Variants in CECR2 observed in about 807,000 individuals in gnomAD.
The protein encoded by CECR2 is chromatin remodeling regulator CECR2.
CECR2 carries 30 observed loss-of-function variants against 154.5 expected under a neutral mutation model. The observed-to-expected ratio is 0.19, with a 90% CI of 0.15 to 0.26. The LOEUF (loss-of-function observed/expected upper bound fraction) is 0.26, where lower values mean the gene tolerates loss of function less well. CECR2 is among the 10% of genes least tolerant of loss of function. The pLI is 1.00. For missense variants in CECR2, 1,743 were observed against 1,829.3 expected (o/e 0.95, Z 0.86); for synonymous variants, 725 against 683.7 (o/e 1.06, Z -0.94).
At chr22:17,500,552 G>T in intron 4 of CECR2, 79 bp from the exon 5 acceptor site, 1 of 1,063,564 alleles carries the variant, frequency 9.4e-7, no homozygotes. Context: ...TAATCTCATG[G>T]CCAGAAATAC....
chr22:17,476,972 A>T, intron 1 of CECR2: 2 of 558,152 alleles, frequency 3.6e-6, no homozygotes, highest in South Asian at 2.5e-5. Context: ...AAGCAAAGAC[A>T]TTCACAGAGA....
At chr22:17,449,647 G>A (rs182775980) in intron 1 of CECR2, among the ~76,000 whole-genome samples, 1,912 of 151,722 alleles carry the variant, frequency 0.013, 29 homozygotes, top group African/African-American at 0.044. Flanking sequence ...CCGCCACCAC[G>A]CCCGGCTAAT....
chr22:17,439,397 AC>A (rs1317481331), intron 1 of CECR2, among the ~76,000 whole-genome samples: 1 of 152,170 alleles, frequency 6.6e-6, no homozygotes, highest in East Asian at 1.9e-4. Flanking sequence ...GCATAAAAAA[AC>A]ATGGACAAGC....
At position 17,415,726 on chromosome 22, in the gene CECR2, G is replaced by A. The variant is rs116444080; in HGVS notation, c.126+45817G>A. Reference sequence around the variant, plus strand: ...TTAGGCTATCTTCGTGAAATGGAAGGTTTGTGTTTTTAAGTGGGTCAGAAA... The same window carrying A: ...TTAGGCTATCTTCGTGAAATGGAAGATTTGTGTTTTTAAGTGGGTCAGAAA... On this transcript the variant is annotated intron_variant, in intron 1 of 18. Coordinates refer to ENST00000262608, the MANE Select transcript of CECR2 (RefSeq NM_001290047.2). Among the ~76,000 whole-genome samples the A allele has an allele frequency of 1.8e-3, 276 of 152,290 alleles. 2 individuals carry two copies. Among genetic ancestry groups the A allele is most frequent in the African/African-American group, 6.5e-3 (269 of 41,572 alleles).
chr22:17,477,089 C>T, intron 1 of CECR2: 1 of 718,912 alleles, frequency 1.4e-6, no homozygotes, highest in Admixed American at 2.0e-5. Context: ...GTCATTATCA[C>T]TTACTAACAA....
At chr22:17,482,537 T>C (rs2055344607) in intron 2 of CECR2, among the ~76,000 whole-genome samples, 1 of 152,112 alleles carries the variant, frequency 6.6e-6, no homozygotes, top group Non-Finnish European at 1.5e-5. Context: ...CCTTCTAGTT[T>C]TGTTTAGTTT....
chr22:17,427,789 G>A (rs2054354650), intron 1 of CECR2, among the ~76,000 whole-genome samples: 1 of 152,028 alleles, frequency 6.6e-6, no homozygotes. Context: ...GCTGATTGGT[G>A]CATTTACAAT....
rs775023684 is a variant in CECR2 at position 17,511,913 on chromosome 22, G to A, written c.954+17G>A. 43 of 1,582,268 alleles carry A rather than the reference G, an allele frequency of 2.7e-5. No individual in the cohort carries two copies. The highest frequency in any genetic ancestry group is 3.5e-5 in the Non-Finnish European group (41 of 1,159,334). On this transcript the variant is annotated intron_variant, in intron 8 of 18. Coordinates refer to ENST00000262608, the MANE Select transcript of CECR2 (RefSeq NM_001290047.2). ...AAGCAAGAGGTGAGTGTGGGTGAGA[G>A]TAGCGAGGAGGAGCTTTCCTGATGA...
intron 1 of CECR2, among the ~76,000 whole-genome samples, chr22:17,376,004 T>C (rs1160695577): frequency 6.6e-6 from 1 of 151,468 alleles, no homozygotes; most frequent in Non-Finnish European, 1.5e-5. Flanking sequence ...ATCTATTTAA[T>C]GTAACATACT....
intron 1 of CECR2, among the ~76,000 whole-genome samples, chr22:17,393,832 T>TA (rs1358370809): frequency 6.6e-6 from 1 of 152,082 alleles, no homozygotes; most frequent in Non-Finnish European, 1.5e-5. Context: ...TTGCCAGTTT[T>TA]AAAAAATGGG....
chr22:17,484,001 A>G (rs941149161), intron 2 of CECR2, among the ~76,000 whole-genome samples: 1 of 152,198 alleles, frequency 6.6e-6, no homozygotes, highest in Admixed American at 6.5e-5. Flanking sequence ...AGTGGCTTAC[A>G]GTATTCAGTA....
At chr22:17,399,963 T>C (rs991921824) in intron 1 of CECR2, among the ~76,000 whole-genome samples, 12 of 152,214 alleles carry the variant, frequency 7.9e-5, no homozygotes, top group African/African-American at 2.7e-4. Flanking sequence ...GATATGGTTT[T>C]TCATTATTAT....
rs946569452 is a variant in CECR2, at chr22:17,542,728, T to C, written c.2585T>C (p.Leu862Ser). The change falls in exon 16 of 19, where the codon TTG (leucine) becomes TCG (serine). Residue 862 changes from leucine (L) to serine (S), a missense_variant. Around this residue, in one of 4 missense-constraint regions of CECR2, gnomAD observed 1,250 missense variants for 1,192.1 expected, o/e 1.05. Coordinates refer to ENST00000262608, the MANE Select transcript of CECR2 (RefSeq NM_001290047.2). ...CCTCCAGTGCCAGCACCCAGTTCTTTGTTTGGAGCACCTGCCCAGGCTCTT... is the reference window on the plus strand; with the variant it reads ...CCTCCAGTGCCAGCACCCAGTTCTTCGTTTGGAGCACCTGCCCAGGCTCTT... ...QPPPVPAPSS[L>S]FGAPAQALRG... 2.5e-6 allele frequency: 4 copies of C among 1,613,880 alleles called. No homozygotes were observed. The African/African-American group carries it at 5.3e-5, about 22-fold the overall frequency.
At chr22:17,530,281 A>G (rs922989714) in intron 9 of CECR2, among the ~76,000 whole-genome samples, 1 of 151,564 alleles carries the variant, frequency 6.6e-6, no homozygotes, top group Non-Finnish European at 1.5e-5. Flanking sequence ...GCTGGAGTGC[A>G]GTGGTGCCGC....
intron 1 of CECR2, among the ~76,000 whole-genome samples, chr22:17,380,159 A>G (rs1239971824): frequency 6.6e-6 from 1 of 152,094 alleles, no homozygotes; most frequent in Non-Finnish European, 1.5e-5. Flanking sequence ...GGCTTGCAGC[A>G]AGGTGTTAAA....
chr22:17,502,052 C>T (rs1030168047), intron 5 of CECR2, among the ~76,000 whole-genome samples: 7 of 152,128 alleles, frequency 4.6e-5, no homozygotes, highest in African/African-American at 9.7e-5. Flanking sequence ...AAACTTTAAT[C>T]GAAAACAAGC....
At chr22:17,540,948 A>C in intron 14 of CECR2, 148 bp downstream of exon 14, 1 of 956,326 alleles carries the variant, frequency 1.0e-6, no homozygotes, top group Non-Finnish European at 1.5e-6. Flanking sequence ...ATGTGATTTT[A>C]TTTTGTTTAC....
chr22:17,385,722 C>G (rs1208889945), intron 1 of CECR2, among the ~76,000 whole-genome samples: 1 of 152,170 alleles, frequency 6.6e-6, no homozygotes, highest in South Asian at 2.1e-4. Context: ...GATAGACTTG[C>G]TACTCGCAGG....
At position 17,378,805 on chromosome 22, in the gene CECR2, G is replaced by GT. The variant is rs575364598; in HGVS notation, c.126+8901dup. ...GGTACACCCTATGTGAGATAGATGAGTTTTTCCTTGTGATGGGCATTTTTT... is the reference window on the plus strand; with the variant it reads ...GGTACACCCTATGTGAGATAGATGAGTTTTTTCCTTGTGATGGGCATTTTTT... On this transcript the variant is annotated intron_variant, in intron 1 of 18. Coordinates refer to ENST00000262608, the MANE Select transcript of CECR2 (RefSeq NM_001290047.2). Among the ~76,000 whole-genome samples, 16 of 152,258 alleles carry GT rather than the reference G, an allele frequency of 1.1e-4. No homozygotes were observed. In the South Asian group the frequency reaches 3.3e-3, roughly 32 times the overall value.
Sources: allele counts gnomAD v4.1 joint callset (sites outside exome capture counted in the v4.1 genomes callset), GRCh38; gene constraint gnomAD v4.1.1; regional missense constraint gnomAD v4.1.1; transcripts MANE v1.5; gene names NCBI Gene and HGNC (gene_info 2026-07-23, HGNC 2026-07-21).